NRXN1: variants seen among roughly 807,000 people sequenced by gnomAD.
NRXN1 encodes the protein neurexin-1.
In NRXN1, 39 loss-of-function variants were observed where a neutral mutation model predicts 150.9. That is an observed-to-expected ratio of 0.26 (90% CI 0.20 to 0.34). The LOEUF is 0.34. Ranked by LOEUF, NRXN1 falls within the 10% of genes least tolerant of loss-of-function variation. The pLI is 1.00. For synonymous variants in NRXN1, 924 were observed against 757.0 expected (o/e 1.22, Z -3.62); for missense variants, 1,815 against 1,949.9 (o/e 0.93, Z 1.30).
At chr2:50,627,874 A>G (rs12464548) in intron 5 of NRXN1, among the ~76,000 whole-genome samples, 92,351 of 151,308 alleles carry the variant, frequency 0.61, 28,405 homozygotes, top group East Asian at 0.74. Flanking sequence ...AACATGCCAC[A>G]ACACCTGTGT....
chr2:50,246,433 T>C (rs2066511453), intron 17 of NRXN1, among the ~76,000 whole-genome samples: 1 of 152,190 alleles, frequency 6.6e-6, no homozygotes, highest in Admixed American at 6.6e-5. Context: ...ACAATAAAAT[T>C]TGTAGTAATT....
chr2:50,331,275 A>AT (rs894249523), intron 17 of NRXN1, among the ~76,000 whole-genome samples: 26 of 152,256 alleles, frequency 1.7e-4, no homozygotes, highest in African/African-American at 4.8e-4. Flanking sequence ...CTATTAAGAG[A>AT]TTTTTTACCT....
At chr2:50,210,854 T>C (rs537363377) in intron 18 of NRXN1, among the ~76,000 whole-genome samples, 1 of 151,674 alleles carries the variant, frequency 6.6e-6, no homozygotes, top group Admixed American at 6.6e-5. Context: ...AAATAAAAGA[T>C]ATATTTAGCT....
At chr2:50,031,268 T>C (rs1234504598) in intron 21 of NRXN1, among the ~76,000 whole-genome samples, 1 of 152,070 alleles carries the variant, frequency 6.6e-6, no homozygotes, top group Non-Finnish European at 1.5e-5. Context: ...ACTCAGATTA[T>C]GTTATTACAC....
chr2:50,205,491 C>T (rs1320047445), intron 18 of NRXN1, among the ~76,000 whole-genome samples: 3 of 151,988 alleles, frequency 2.0e-5, no homozygotes, highest in Non-Finnish European at 4.4e-5. Flanking sequence ...CATTATAGTT[C>T]ATTTGAATTC....
intron 2 of NRXN1, among the ~76,000 whole-genome samples, chr2:50,929,975 C>A (rs991039118): frequency 6.6e-6 from 1 of 151,930 alleles, no homozygotes; most frequent in Admixed American, 6.6e-5. Context: ...AGAACCAAGA[C>A]GATGTTCAAA....
intron 21 of NRXN1, among the ~76,000 whole-genome samples, chr2:49,975,602 T>A (rs1244171228): frequency 6.6e-6 from 1 of 152,236 alleles, no homozygotes; most frequent in African/African-American, 2.4e-5. Flanking sequence ...TCAAGTTTTT[T>A]AAAATAGATG....
chr2:49,998,656 A>G (rs1573317459), intron 21 of NRXN1, among the ~76,000 whole-genome samples: 1 of 152,124 alleles, frequency 6.6e-6, no homozygotes, highest in Non-Finnish European at 1.5e-5. Flanking sequence ...AGGATGATGG[A>G]CATAATTTAA....
intron 2 of NRXN1, 140 bp downstream of exon 2, chr2:51,027,362 C>T: frequency 1.2e-6 from 1 of 826,068 alleles, no homozygotes. Flanking sequence ...GTAGAGAGTC[C>T]CCCAGAAACA....
chr2:50,536,502 C>T (rs1162380996), intron 10 of NRXN1, among the ~76,000 whole-genome samples: 1 of 152,086 alleles, frequency 6.6e-6, no homozygotes, highest in Non-Finnish European at 1.5e-5. Context: ...TTCATTTTTG[C>T]CATAGGTAGT....
intron 19 of NRXN1, among the ~76,000 whole-genome samples, chr2:50,066,693 C>T (rs1480962087): frequency 2.6e-5 from 4 of 151,648 alleles, no homozygotes; most frequent in South Asian, 4.2e-4. Flanking sequence ...ATTCATGTCA[C>T]GAACCATGAA....
intron 17 of NRXN1, among the ~76,000 whole-genome samples, chr2:50,317,121 A>G (rs2152969880): frequency 6.6e-6 from 1 of 152,174 alleles, no homozygotes; most frequent in South Asian, 2.1e-4. Flanking sequence ...ACTATGAAAG[A>G]CATGTTACTA....
intron 18 of NRXN1, among the ~76,000 whole-genome samples, chr2:50,163,168 A>G (rs1449567819): frequency 1.0e-4 from 15 of 146,144 alleles, no homozygotes; most frequent in South Asian, 4.2e-4. Flanking sequence ...CAAAATGTAT[A>G]TATATATATA....
At chr2:50,299,373 A>T (rs1314078705) in intron 17 of NRXN1, among the ~76,000 whole-genome samples, 1 of 152,062 alleles carries the variant, frequency 6.6e-6, no homozygotes, top group African/African-American at 2.4e-5. Flanking sequence ...TGAATAAAGT[A>T]ATGCTAAAGA....
chr2:50,276,571 C>T (rs1419861552), intron 17 of NRXN1, among the ~76,000 whole-genome samples: 1 of 152,176 alleles, frequency 6.6e-6, no homozygotes, highest in Non-Finnish European at 1.5e-5. Flanking sequence ...GAAAGAAATA[C>T]ATCCTTCTCC....
intron 15 of NRXN1, among the ~76,000 whole-genome samples, chr2:50,475,229 T>C (rs1253844277): frequency 9.9e-5 from 15 of 152,040 alleles, no homozygotes; most frequent in Non-Finnish European, 1.5e-5. Context: ...AGAAATTATG[T>C]ATAGAATACT....
At chr2:50,151,801 C>T (rs886544271) in intron 18 of NRXN1, among the ~76,000 whole-genome samples, 8 of 151,610 alleles carry the variant, frequency 5.3e-5, no homozygotes, top group African/African-American at 1.9e-4. Flanking sequence ...TAACTGTATA[C>T]TTTAAAAATT....
At chr2:50,836,458 C>T (rs1279002802) in intron 5 of NRXN1, among the ~76,000 whole-genome samples, 1 of 151,956 alleles carries the variant, frequency 6.6e-6, no homozygotes, top group Non-Finnish European at 1.5e-5. Context: ...ACTCTTTAAT[C>T]AACATTCCCC....
Position 50,424,488 on chromosome 2 carries a change from G to A in NRXN1, c.3364+40954C>T, listed in dbSNP as rs564460545. On this transcript the variant is annotated intron_variant, in intron 17 of 22. Coordinates refer to ENST00000401669, the MANE Select transcript of NRXN1 (RefSeq NM_001330078.2). ...GCTTGTCTCTTGGTAGGCTGGTTGA[G>A]TGCACCGGCTTAGAGAGAGTGTAAA... is the stretch of plus-strand genomic sequence containing the variant. Among the ~76,000 whole-genome samples, 105 of 152,204 alleles carry A rather than the reference G, an allele frequency of 6.9e-4. 1 individual carries two copies. The highest frequency in any genetic ancestry group is 2.4e-3 in the African/African-American group (98 of 41,536).
Sources: allele counts gnomAD v4.1 joint callset (sites outside exome capture counted in the v4.1 genomes callset), GRCh38; gene constraint gnomAD v4.1.1; transcripts MANE v1.5; gene names NCBI Gene and HGNC (gene_info 2026-07-23, HGNC 2026-07-21).